The following GPC5 variants were observed in gnomAD, a reference collection of about 807,000 sequenced individuals.
GPC5 encodes the protein glypican 5.
Under a neutral mutation model 53.9 loss-of-function variants are expected in GPC5, and 47 were observed. The ratio of observed to expected loss-of-function variants is 0.87; its 90% confidence interval spans 0.69 to 1.11. The LOEUF is 1.11. Among genes scored for constraint, GPC5 ranks in the 50% most tolerant of loss-of-function variants. The pLI, the probability that GPC5 is intolerant of heterozygous loss-of-function variation, is 0.00. For missense variants in GPC5, 748 were observed against 713.1 expected, an observed-to-expected ratio of 1.05 and a Z score of -0.56; for synonymous variants, 286 against 263.3, an observed-to-expected ratio of 1.09 and a Z score of -0.84.
chr13:92,226,412 G>T (rs993756662), intron 7 of GPC5, among the ~76,000 whole-genome samples: 1 of 151,910 alleles, frequency 6.6e-6, no homozygotes. Flanking sequence ...ATGGTTATTT[G>T]CTCAATTAGT....
chr13:91,547,959 A>G (rs73608335), intron 2 of GPC5, among the ~76,000 whole-genome samples: 1,857 of 152,254 alleles, frequency 0.012, 36 homozygotes, highest in African/African-American at 0.041. Flanking sequence ...AATAGAGAGG[A>G]ATTTCCTCAA....
chr13:91,803,631 T>A (rs1240866985), intron 5 of GPC5, among the ~76,000 whole-genome samples: 1 of 152,182 alleles, frequency 6.6e-6, no homozygotes, highest in African/African-American at 2.4e-5. Context: ...CCAATCAGAA[T>A]TTTTCGTAAG....
intron 7 of GPC5, among the ~76,000 whole-genome samples, chr13:92,390,653 AT>A (rs1225750788): frequency 7.2e-5 from 11 of 151,998 alleles, no homozygotes; most frequent in Non-Finnish European, 1.0e-4. Flanking sequence ...TGGTTCTGTG[AT>A]TCTTTGTATT....
chr13:92,792,792 CA>C (rs1876511919), intron 7 of GPC5, among the ~76,000 whole-genome samples: 1 of 152,030 alleles, frequency 6.6e-6, no homozygotes, highest in South Asian at 2.1e-4. Flanking sequence ...CAAGGAAAGC[CA>C]TTACATAATG....
intron 1 of GPC5, among the ~76,000 whole-genome samples, chr13:91,415,341 C>A (rs1329817133): frequency 2.0e-5 from 3 of 152,158 alleles, no homozygotes; most frequent in African/African-American, 7.2e-5. Flanking sequence ...GCTTGTGGAG[C>A]AGGGTGCTAA....
intron 7 of GPC5, among the ~76,000 whole-genome samples, chr13:92,328,075 G>A (rs1038049125): frequency 6.6e-6 from 1 of 152,178 alleles, no homozygotes; most frequent in Admixed American, 6.6e-5. Flanking sequence ...TTGTGGCACT[G>A]TGATGATTCA....
chr13:91,448,690 C>A (rs1594103570), intron 1 of GPC5, 71 bp from the exon 2 acceptor site: 3 of 1,496,702 alleles, frequency 2.0e-6, no homozygotes, highest in Non-Finnish European at 1.8e-6. Flanking sequence ...CTGGTCATAA[C>A]GCCTGATATA....
chr13:92,180,457 CA>C (rs2042138743), intron 7 of GPC5, among the ~76,000 whole-genome samples: 1 of 152,124 alleles, frequency 6.6e-6, no homozygotes, highest in African/African-American at 2.4e-5. Context: ...GTAAATTCTC[CA>C]AATGTCAACA....
chr13:91,717,508 C>G (rs986974526), intron 3 of GPC5, among the ~76,000 whole-genome samples: 1 of 151,782 alleles, frequency 6.6e-6, no homozygotes, highest in Non-Finnish European at 1.5e-5. Flanking sequence ...AGTGCAGGAG[C>G]GGGGAAGTGA....
chr13:91,856,264 C>T (rs2038965682), intron 5 of GPC5, among the ~76,000 whole-genome samples: 1 of 151,528 alleles, frequency 6.6e-6, no homozygotes, highest in South Asian at 2.1e-4. Context: ...GTTTCTGCTA[C>T]TTTCAGTAAT....
intron 6 of GPC5, among the ~76,000 whole-genome samples, chr13:92,079,946 T>C (rs935954258): frequency 1.3e-5 from 2 of 152,198 alleles, no homozygotes; most frequent in Non-Finnish European, 1.5e-5. Context: ...TGCAAGTCTT[T>C]GTATTATAGT....
At chr13:92,663,896 A>G (rs1886475973) in intron 7 of GPC5, among the ~76,000 whole-genome samples, 1 of 72,140 alleles carries the variant, frequency 1.4e-5, no homozygotes. Context: ...ATATATATAT[A>G]TATATATACA....
At chr13:91,676,695 TC>T (rs1181821219) in intron 2 of GPC5, among the ~76,000 whole-genome samples, 1 of 152,206 alleles carries the variant, frequency 6.6e-6, no homozygotes, top group Non-Finnish European at 1.5e-5. Flanking sequence ...CTTCGTGCTT[TC>T]AGGAAGACTA....
intron 6 of GPC5, among the ~76,000 whole-genome samples, chr13:91,934,026 C>T (rs1193776397): frequency 6.6e-6 from 1 of 151,814 alleles, no homozygotes; most frequent in Non-Finnish European, 1.5e-5. Flanking sequence ...GCTATGCTTC[C>T]CTGGGACCCT....
intron 7 of GPC5, among the ~76,000 whole-genome samples, chr13:92,283,350 A>G (rs1222996106): frequency 6.6e-6 from 1 of 152,190 alleles, no homozygotes; most frequent in Non-Finnish European, 1.5e-5. Flanking sequence ...GAAAGTTAAC[A>G]AAGATATCCA....
intron 6 of GPC5, among the ~76,000 whole-genome samples, chr13:91,982,441 T>G (rs1400076328): frequency 6.6e-6 from 1 of 151,200 alleles, no homozygotes; most frequent in Non-Finnish European, 1.5e-5. Context: ...TGTAGATGTA[T>G]GTATAATGAA....
intron 2 of GPC5, among the ~76,000 whole-genome samples, chr13:91,623,341 T>G (rs760771037): frequency 2.6e-5 from 4 of 152,008 alleles, no homozygotes; most frequent in Non-Finnish European, 5.9e-5. Context: ...GTCTGACAGG[T>G]TTGTATGCAA....
intron 2 of GPC5, among the ~76,000 whole-genome samples, chr13:91,648,886 G>A (rs1232670038): frequency 2.6e-5 from 4 of 152,174 alleles, no homozygotes; most frequent in Non-Finnish European, 4.4e-5. Context: ...GGTATCAAGA[G>A]TGTGGACTCT....
chr13:91,640,694 G>A (rs1456079192), intron 2 of GPC5, among the ~76,000 whole-genome samples: 1 of 151,934 alleles, frequency 6.6e-6, no homozygotes, highest in Non-Finnish European at 1.5e-5. Context: ...AGCTACTCAG[G>A]AGTCTGAGGC....
Sources: gnomAD v4.1 joint callset for allele counts (sites outside exome capture counted in the v4.1 genomes callset) on GRCh38, gnomAD v4.1.1 for gene constraint, MANE v1.5 for transcripts, NCBI Gene and HGNC (gene_info 2026-07-23, HGNC 2026-07-21) for gene names.